The following RSPH14 variants were observed in gnomAD, a reference collection of about 807,000 sequenced individuals.
The protein encoded by RSPH14 is radial spoke head 14 homolog.
RSPH14 carries 20 observed loss-of-function variants against 26.7 expected under a neutral mutation model. The observed-to-expected ratio is 0.75, with a 90% confidence interval of 0.53 to 1.09. The LOEUF (loss-of-function observed/expected upper bound fraction) is 1.09, where lower values mean the gene tolerates loss of function less well. Ranked by LOEUF, RSPH14 falls within the 50% of genes least tolerant of loss-of-function variation. The probability of loss-of-function intolerance (pLI) is 0.00; values close to 1 mark genes in which losing one functional copy is unlikely to be tolerated. For synonymous variants in RSPH14, 177 were observed against 189.3 expected (o/e 0.93, Z 0.53); for missense variants, 449 against 457.2 (o/e 0.98, Z 0.16).
chr22:23,100,395 G>C (rs994954294), intron 4 of RSPH14, among the ~76,000 whole-genome samples: 2 of 152,252 alleles, frequency 1.3e-5, no homozygotes, highest in African/African-American at 4.8e-5. Flanking sequence ...GGGAGGCCTG[G>C]TGTCTCTGCC....
chr22:23,145,510 G>T (rs755463438), upstream of RSPH14: 66 of 1,605,432 alleles, frequency 4.1e-5, no homozygotes, highest in Non-Finnish European at 5.5e-5. Flanking sequence ...TGGCTCAGGC[G>T]GACCAGGCCG....
At chr22:23,114,475 C>A (rs1419593455) in intron 4 of RSPH14, among the ~76,000 whole-genome samples, 1 of 152,200 alleles carries the variant, frequency 6.6e-6, no homozygotes, top group Non-Finnish European at 1.5e-5. Flanking sequence ...CCCTTCCCCT[C>A]AGCCCCCAGA....
chr22:23,095,926 C>T lies in RSPH14; in HGVS notation c.422-31793G>A, dbSNP rs770602852. On this transcript the variant is annotated intron_variant, in intron 4 of 6. Coordinates refer to ENST00000216036, the MANE Select transcript of RSPH14 (RefSeq NM_014433.3). ...ACAAGCCCCTCATCATCTACAATGC[C>T]ATCGACTCGCTGACCCGCATCATCC... 7 of 1,613,366 alleles carry T rather than the reference C, an allele frequency of 4.3e-6. No individual in the cohort carries two copies. The East Asian group carries it at 1.6e-4, about 36-fold the overall frequency.
intron 4 of RSPH14, chr22:23,123,248 C>T (rs1358499069): frequency 5.6e-6 from 9 of 1,614,210 alleles, no homozygotes; most frequent in Non-Finnish European, 6.8e-6. Flanking sequence ...AGGGCCAGAA[C>T]ACGTACGAGG....
intron 4 of RSPH14, among the ~76,000 whole-genome samples, chr22:23,112,865 C>T (rs909781833): frequency 1.3e-5 from 2 of 152,168 alleles, no homozygotes; most frequent in African/African-American, 2.4e-5. Flanking sequence ...AAGGCAGGGG[C>T]CTGGTCTGGG....
At chr22:23,086,109 G>T (rs761645722) in intron 4 of RSPH14, among the ~76,000 whole-genome samples, 1 of 152,246 alleles carries the variant, frequency 6.6e-6, no homozygotes, top group Non-Finnish European at 1.5e-5. Context: ...TCCACTGAAA[G>T]TAGGACTATG....
chr22:23,077,224 A>G (rs2146258633), intron 4 of RSPH14, among the ~76,000 whole-genome samples: 1 of 152,198 alleles, frequency 6.6e-6, no homozygotes, highest in Admixed American at 6.5e-5. Context: ...CCCCTTCCTT[A>G]GTGACACTGA....
At chr22:23,153,168 G>T in the RSPH14 span, 1 of 1,504,000 alleles carries the variant, frequency 6.6e-7, no homozygotes, top group Non-Finnish European at 9.3e-7. Flanking sequence ...CTCGTGGGCA[G>T]CTTCCTACAG....
intron 4 of RSPH14, chr22:23,095,940 C>A (rs761943894): frequency 2.5e-6 from 4 of 1,612,922 alleles, no homozygotes; most frequent in Non-Finnish European, 3.4e-6. Flanking sequence ...GACTCGCTGA[C>A]CCGCATCATC....
intron 4 of RSPH14, chr22:23,095,801 CT>C (rs1569172643): frequency 6.2e-7 from 1 of 1,613,298 alleles, no homozygotes; most frequent in Non-Finnish European, 8.5e-7. Context: ...CGAAATCAAG[CT>C]GCTCCTGCTG....
chr22:23,159,648 AAC>A, the RSPH14 span, among the ~76,000 whole-genome samples: 1,494 of 152,310 alleles, frequency 9.8e-3, 29 homozygotes, highest in African/African-American at 0.035. Context: ...CCAGGATCCA[AAC>A]ACACCCTCAC....
intron 4 of RSPH14, among the ~76,000 whole-genome samples, chr22:23,114,640 G>A (rs963040003): frequency 2.6e-5 from 4 of 152,252 alleles, no homozygotes; most frequent in African/African-American, 9.6e-5. Flanking sequence ...AGCTGTCCAT[G>A]TGTATCCCAC....
chr22:23,119,371 C>T (rs560730322), intron 4 of RSPH14, among the ~76,000 whole-genome samples: 66 of 152,344 alleles, frequency 4.3e-4, no homozygotes, highest in African/African-American at 1.4e-3. Context: ...GGCCTCCTCT[C>T]ATCAACTTCA....
At chr22:23,156,049 G>T in the RSPH14 span, 1 of 1,606,920 alleles carries the variant, frequency 6.2e-7, no homozygotes, top group Admixed American at 1.7e-5. Flanking sequence ...AACATGCCAC[G>T]TCGGGGCTCA....
chr22:23,149,856 G>A (rs1022550546), upstream of RSPH14, among the ~76,000 whole-genome samples: 1 of 152,318 alleles, frequency 6.6e-6, no homozygotes, highest in Non-Finnish European at 1.5e-5. Context: ...GCCTGGGCTC[G>A]CCCCTCTGGA....
rs2068901752 is a variant in RSPH14 at position 23,089,411 on chromosome 22, A to G, written c.422-25278T>C. On this transcript the variant is annotated intron_variant, in intron 4 of 6. Transcript: ENST00000216036. Reference sequence around the variant, plus strand: ...GGTGTGGTCCTGGCGAGCTCAGGCTATGGTGGGTGTGACCATGGGTATTAT... The same window carrying G: ...GGTGTGGTCCTGGCGAGCTCAGGCTGTGGTGGGTGTGACCATGGGTATTAT... Among the ~76,000 whole-genome samples the G allele has an allele frequency of 2.0e-5, 3 of 152,104 alleles. No homozygotes were observed. The South Asian group carries it at 6.2e-4, about 31-fold the overall frequency.
intron 4 of RSPH14, among the ~76,000 whole-genome samples, chr22:23,099,787 G>A (rs1451298890): frequency 6.6e-6 from 1 of 152,244 alleles, no homozygotes. Flanking sequence ...AAGTGGAGAA[G>A]CTGGCACCTA....
chr22:23,106,770 C>T (rs2069492942), intron 4 of RSPH14, among the ~76,000 whole-genome samples: 1 of 152,244 alleles, frequency 6.6e-6, no homozygotes, highest in Non-Finnish European at 1.5e-5. Flanking sequence ...CCCGAAGGGG[C>T]TCCCCACCAC....
the RSPH14 span, chr22:23,161,602 A>G: frequency 6.6e-7 from 1 of 1,513,866 alleles, no homozygotes; most frequent in Admixed American, 1.8e-5. Flanking sequence ...CCCTGCACAC[A>G]CACGGACAGG....
Sources: gnomAD v4.1 joint callset for allele counts (sites outside exome capture counted in the v4.1 genomes callset) on GRCh38, gnomAD v4.1.1 for gene constraint, MANE v1.5 for transcripts, NCBI Gene and HGNC (gene_info 2026-07-23, HGNC 2026-07-21) for gene names.